Variants in CECR2 observed in about 807,000 individuals in gnomAD.
CECR2 encodes CECR2 histone acetyl-lysine reader, also known as chromatin remodeling regulator CECR2.
CECR2 carries 30 observed loss-of-function variants against 154.5 expected under a neutral mutation model. The observed-to-expected ratio is 0.19, with a 90% CI of 0.15 to 0.26. The LOEUF is 0.26. CECR2 is among the 10% of genes least tolerant of loss of function. The probability of loss-of-function intolerance (pLI) is 1.00; values close to 1 mark genes in which losing one functional copy is unlikely to be tolerated. For missense variants in CECR2, 1,743 were observed against 1,829.3 expected (o/e 0.95, Z 0.86); for synonymous variants, 725 against 683.7 (o/e 1.06, Z -0.94).
At chr22:17,545,952 T>C (rs1284485845) in intron 16 of CECR2, among the ~76,000 whole-genome samples, 2 of 152,094 alleles carry the variant, frequency 1.3e-5, no homozygotes, top group African/African-American at 4.8e-5. Context: ...CTTGGGAGTC[T>C]GAAGTGGAAG....
chr22:17,376,379 C>T (rs1309180193), intron 1 of CECR2, among the ~76,000 whole-genome samples: 2 of 131,014 alleles, frequency 1.5e-5, no homozygotes, highest in Non-Finnish European at 1.6e-5. Flanking sequence ...GCTTAATGTT[C>T]TGGAATACAC....
In CECR2 at chr22:17,555,803, C is replaced by CAGTGG. The variant is rs1569164296; in HGVS notation, c.*2964_*2968dup. On this transcript the variant is annotated 3_prime_UTR_variant, in exon 19 of 19. Transcript: ENST00000262608. Reference sequence around the variant, plus strand: ...GTCACCTTGTCAGCGTGCCGGCTCTCAGTGGTCCCCAGGAGGATGGGGATA... The same window carrying CAGTGG: ...GTCACCTTGTCAGCGTGCCGGCTCTCAGTGGAGTGGTCCCCAGGAGGATGGGGATA... 6.6e-6 allele frequency: 1 copy of CAGTGG among 152,138 alleles called. No homozygotes were observed. Among genetic ancestry groups the CAGTGG allele is most frequent in the African/African-American group, 2.4e-5 (1 of 41,424 alleles). The allele number at this position is 152,138 out of a possible 1,614,324, so 9.4% of individuals were successfully genotyped here. A position where few individuals can be genotyped will look rare whatever the true frequency, so the allele number is the denominator to read the frequency against.
chr22:17,399,757 C>T (rs1038556245), intron 1 of CECR2, among the ~76,000 whole-genome samples: 11 of 152,018 alleles, frequency 7.2e-5, no homozygotes, highest in East Asian at 5.8e-4. Context: ...CACTCAGATG[C>T]GACTATACCA....
intron 1 of CECR2, among the ~76,000 whole-genome samples, chr22:17,470,691 C>T (rs79083565): frequency 6.6e-6 from 1 of 151,820 alleles, no homozygotes. Context: ...TTGCAAAACC[C>T]TTACTGACTG....
At position 17,540,688 on chromosome 22, in the gene CECR2, G is replaced by C; in HGVS notation, c.1772G>C (p.Ser591Thr). The change falls in exon 14 of 19, where the codon AGC becomes ACC. Residue 591 changes from serine to threonine, a missense_variant. Physicochemically the swap from Ser to Thr is moderately conservative, Grantham distance 58. Coordinates refer to ENST00000262608, the MANE Select transcript of CECR2 (RefSeq NM_001290047.2). Reference sequence around the variant, plus strand: ...GCGCCCTCTTCTGGGGACGATCAGAGCAGCAGCTCCACACAGCCCCCGCGG... The same window carrying C: ...GCGCCCTCTTCTGGGGACGATCAGACCAGCAGCTCCACACAGCCCCCGCGG... ...RRAPSSGDDQ[S>T]SSSTQPPREV... 6.2e-7 allele frequency: 1 copy of C among 1,613,928 alleles called. No individual in the cohort carries two copies. Among genetic ancestry groups the C allele is most frequent in the East Asian group, 2.2e-5 (1 of 44,880 alleles).
At chr22:17,451,299 A>G (rs2054766061) in intron 1 of CECR2, among the ~76,000 whole-genome samples, 1 of 152,182 alleles carries the variant, frequency 6.6e-6, no homozygotes, top group African/African-American at 2.4e-5. Flanking sequence ...ACTGATACAA[A>G]GTGGTTTGTC....
rs2055693010 is a variant in CECR2 at position 17,499,326 on chromosome 22, G to A, written c.406-84G>A. On this transcript the variant is annotated intron_variant, in intron 3 of 18. Transcript: ENST00000262608. The stretch of plus-strand genomic sequence containing the variant: ...TTTTAGATTTGAGTTATGCTTACGT[G>A]TAAATTTGGAATCCTCGTTCTGGTT... 6 of 1,508,378 alleles carry A rather than the reference G, an allele frequency of 4.0e-6. 1 individual carries two copies. In the South Asian group the frequency reaches 7.5e-5, roughly 19 times the overall value. The allele number at this position is 1,508,378 out of a possible 1,614,324, so 93.4% of individuals were successfully genotyped here.
intron 1 of CECR2, among the ~76,000 whole-genome samples, chr22:17,470,659 G>A (rs944777504): frequency 6.2e-5 from 9 of 144,736 alleles, no homozygotes; most frequent in Non-Finnish European, 9.0e-5. Context: ...TTCCTTGTCC[G>A]TTTTTCTCCA....
intron 1 of CECR2, among the ~76,000 whole-genome samples, chr22:17,436,375 T>C (rs952010255): frequency 6.6e-6 from 1 of 152,252 alleles, no homozygotes; most frequent in Non-Finnish European, 1.5e-5. Flanking sequence ...ACTTCTATTA[T>C]AGCAACAACA....
intron 1 of CECR2, among the ~76,000 whole-genome samples, chr22:17,456,556 A>G (rs894106937): frequency 8.5e-5 from 13 of 152,136 alleles, no homozygotes; most frequent in Non-Finnish European, 1.6e-4. Context: ...TAAAACTGTA[A>G]TTTTTTTATG....
chr22:17,534,181 C>A (rs978080536), intron 9 of CECR2, among the ~76,000 whole-genome samples: 1 of 152,150 alleles, frequency 6.6e-6, no homozygotes, highest in East Asian at 1.9e-4. Context: ...AGAAACAGTG[C>A]CAGGCGTGGT....
At chr22:17,538,918 T>A in intron 12 of CECR2, 75 bp from the exon 13 acceptor site, 1 of 1,519,060 alleles carries the variant, frequency 6.6e-7, no homozygotes, top group Non-Finnish European at 9.0e-7. Flanking sequence ...TCTCATTATC[T>A]CTCTGTCTCT....
At chr22:17,480,459 C>CACACACACACACAGAG (rs373106595) in intron 2 of CECR2, among the ~76,000 whole-genome samples, 2,254 of 143,554 alleles carry the variant, frequency 0.016, 22 homozygotes, top group Non-Finnish European at 0.024. Context: ...CACACACACA[C>CACACACACACACAGAG]AGAGAAAAGT....
At chr22:17,382,041 C>T (rs1303071999) in intron 1 of CECR2, among the ~76,000 whole-genome samples, 1 of 137,272 alleles carries the variant, frequency 7.3e-6, no homozygotes, top group Non-Finnish European at 1.6e-5. Context: ...GCGCCTGCCA[C>T]CACGCCCTGC....
intron 1 of CECR2, among the ~76,000 whole-genome samples, chr22:17,443,022 A>G (rs1056675631): frequency 4.6e-5 from 7 of 152,112 alleles, no homozygotes; most frequent in African/African-American, 1.2e-4. Flanking sequence ...ACCTTTTTCT[A>G]TTCTTTCATC....
intron 2 of CECR2, among the ~76,000 whole-genome samples, chr22:17,479,242 G>A (rs148576323): frequency 7.9e-5 from 12 of 152,234 alleles, no homozygotes; most frequent in Admixed American, 2.0e-4. Flanking sequence ...CAGGTTTCCC[G>A]TCACAGAGGT....
chr22:17,361,786 C>T lies in CECR2; in HGVS notation c.-364+1763C>T, dbSNP rs1182940482. Among the ~76,000 whole-genome samples the T allele has an allele frequency of 4.0e-5, 6 of 151,480 alleles. No homozygotes were observed. In the South Asian group the frequency reaches 6.3e-4, roughly 16 times the overall value. Reference sequence around the variant, plus strand: ...AGAGAGAGAGAGTGACTGGTGTTTTCTGTGAATGCTAAAGATTAGTAATGT... The same window carrying T: ...AGAGAGAGAGAGTGACTGGTGTTTTTTGTGAATGCTAAAGATTAGTAATGT... On this transcript the variant is annotated intron_variant, in intron 1 of 18. Transcript: ENST00000400585.
intron 1 of CECR2, among the ~76,000 whole-genome samples, chr22:17,434,247 G>T (rs937512424): frequency 1.3e-5 from 2 of 152,214 alleles, no homozygotes; most frequent in African/African-American, 4.8e-5. Flanking sequence ...CAGAGGAAAG[G>T]CCACTCACGT....
Position 17,479,957 on chromosome 22 carries a change from G to A in CECR2, c.221+2275G>A, listed in dbSNP as rs536773027. Among the ~76,000 whole-genome samples the A allele has an allele frequency of 1.2e-4, 18 of 151,872 alleles. No individual in the cohort carries two copies. In the Middle Eastern group the frequency reaches 0.01, roughly 86 times the overall value. Reference sequence around the variant, plus strand: ...TTTAACAATTTTTTGTAGAGACAAGGTCTGTGTTCCCTGGCTGGTCTTGAA... The same window carrying A: ...TTTAACAATTTTTTGTAGAGACAAGATCTGTGTTCCCTGGCTGGTCTTGAA... On this transcript the variant is annotated intron_variant, in intron 2 of 18. Coordinates refer to ENST00000262608, the MANE Select transcript of CECR2 (RefSeq NM_001290047.2).
Sources: allele counts gnomAD v4.1 joint callset (sites outside exome capture counted in the v4.1 genomes callset), GRCh38; gene constraint gnomAD v4.1.1; transcripts MANE v1.5; gene names NCBI Gene and HGNC (gene_info 2026-07-23, HGNC 2026-07-21).